Variants in SUGCT observed in about 807,000 individuals in gnomAD.
SUGCT encodes the protein succinyl-CoA:glutarate CoA-transferase.
Under a neutral mutation model 55.0 loss-of-function variants are expected in SUGCT, and 41 were observed. That is an observed-to-expected ratio of 0.74 (90% CI 0.58 to 0.97). The LOEUF is 0.97. Among genes scored for constraint, SUGCT ranks in the 50% least tolerant of loss-of-function variants. The pLI, the probability that SUGCT is intolerant of heterozygous loss-of-function variation, is 0.00. For missense variants in SUGCT, 568 were observed against 547.8 expected (o/e 1.04, Z -0.37); for synonymous variants, 187 against 200.4 (o/e 0.93, Z 0.56).
At chr7:40,973,018 C>T in the SUGCT span, among the ~76,000 whole-genome samples, 9 of 152,186 alleles carry the variant, frequency 5.9e-5, no homozygotes, top group South Asian at 4.1e-4. Flanking sequence ...TCTGCTTTTC[C>T]GGAGATATGT....
the SUGCT span, among the ~76,000 whole-genome samples, chr7:41,033,092 G>A: frequency 0.061 from 9,298 of 152,214 alleles, 928 homozygotes; most frequent in African/African-American, 0.21. Context: ...CCCCTGTTTT[G>A]TATGGCCTAA....
At chr7:40,598,536 G>A (rs1404374153) in intron 12 of SUGCT, among the ~76,000 whole-genome samples, 1 of 152,130 alleles carries the variant, frequency 6.6e-6, no homozygotes, top group African/African-American at 2.4e-5. Context: ...CTTTTTCCTA[G>A]CAGAGAACTA....
At chr7:40,334,416 GTTTCCT>G (rs1796555613) in intron 9 of SUGCT, among the ~76,000 whole-genome samples, 1 of 152,124 alleles carries the variant, frequency 6.6e-6, no homozygotes, top group Admixed American at 6.5e-5. Flanking sequence ...AGCACCTGTT[GTTTCCT>G]GACATTTTAA....
intron 12 of SUGCT, among the ~76,000 whole-genome samples, chr7:40,513,012 G>T (rs1034440213): frequency 6.6e-6 from 1 of 152,122 alleles, no homozygotes; most frequent in African/African-American, 2.4e-5. Flanking sequence ...ATCCTTCTGG[G>T]CAATGGAGCC....
At chr7:40,866,440 A>G in the SUGCT span, among the ~76,000 whole-genome samples, 1 of 151,204 alleles carries the variant, frequency 6.6e-6, no homozygotes. Context: ...TTTTGGGAGG[A>G]CAGTTAAAGA....
At chr7:40,911,406 T>A in the SUGCT span, among the ~76,000 whole-genome samples, 1 of 151,618 alleles carries the variant, frequency 6.6e-6, no homozygotes, top group Non-Finnish European at 1.5e-5. Flanking sequence ...TGATTAAAAT[T>A]AAAAAAAAAT....
intron 12 of SUGCT, among the ~76,000 whole-genome samples, chr7:40,728,525 G>GA (rs1786724360): frequency 6.6e-6 from 1 of 151,802 alleles, no homozygotes; most frequent in Non-Finnish European, 1.5e-5. Context: ...CTCAAAAAAA[G>GA]AAAAAATAAA....
intron 12 of SUGCT, among the ~76,000 whole-genome samples, chr7:40,650,759 G>T (rs1404585445): frequency 2.0e-5 from 3 of 152,086 alleles, no homozygotes; most frequent in South Asian, 2.1e-4. Flanking sequence ...GGATGTGCAG[G>T]TTTGTTGCAC....
At chr7:40,234,761 T>C (rs1213887941) in intron 6 of SUGCT, among the ~76,000 whole-genome samples, 2 of 151,846 alleles carry the variant, frequency 1.3e-5, no homozygotes, top group Non-Finnish European at 2.9e-5. Flanking sequence ...ATGCAAAAAT[T>C]AGCTGGGTGT....
chr7:40,226,461 C>T (rs777074093), intron 6 of SUGCT, among the ~76,000 whole-genome samples: 11 of 152,128 alleles, frequency 7.2e-5, no homozygotes, highest in Non-Finnish European at 1.6e-4. Flanking sequence ...CACAAGGGTA[C>T]TGTCTGCAAA....
intron 10 of SUGCT, among the ~76,000 whole-genome samples, chr7:40,451,510 C>CT (rs1253223080): frequency 6.6e-6 from 1 of 152,082 alleles, no homozygotes; most frequent in Non-Finnish European, 1.5e-5. Context: ...ATCAGAGGGC[C>CT]TTAGGAATGG....
intron 9 of SUGCT, among the ~76,000 whole-genome samples, chr7:40,346,718 G>A (rs11772069): frequency 0.56 from 85,642 of 152,012 alleles, 24,207 homozygotes; most frequent in South Asian, 0.65. Context: ...GGTTTCTAAG[G>A]AAGTAATTAT....
At chr7:40,775,389 T>C (rs1232931558) in intron 13 of SUGCT, among the ~76,000 whole-genome samples, 4 of 152,202 alleles carry the variant, frequency 2.6e-5, no homozygotes, top group East Asian at 1.9e-4. Context: ...GTTTCTCTAC[T>C]GGAAAGGCAA....
At chr7:40,947,234 T>C in the SUGCT span, among the ~76,000 whole-genome samples, 1 of 152,188 alleles carries the variant, frequency 6.6e-6, no homozygotes, top group African/African-American at 2.4e-5. Context: ...GTTGTGCCAT[T>C]CTAGTAAATT....
At chr7:40,542,876 T>C (rs1794773739) in intron 12 of SUGCT, among the ~76,000 whole-genome samples, 1 of 152,286 alleles carries the variant, frequency 6.6e-6, no homozygotes, top group African/African-American at 2.4e-5. Context: ...GAAATGGCCA[T>C]ATCTATAAGG....
intron 12 of SUGCT, among the ~76,000 whole-genome samples, chr7:40,718,193 A>G (rs2128680849): frequency 6.6e-6 from 1 of 152,330 alleles, no homozygotes; most frequent in Admixed American, 6.5e-5. Context: ...TGCTGTGTTG[A>G]TTAATAACAA....
intron 6 of SUGCT, among the ~76,000 whole-genome samples, chr7:40,227,455 C>T (rs1484577401): frequency 1.3e-5 from 2 of 152,062 alleles, no homozygotes; most frequent in African/African-American, 4.8e-5. Flanking sequence ...TCCTTGACCC[C>T]TTGGGTTCAA....
the SUGCT span, among the ~76,000 whole-genome samples, chr7:40,911,407 A>T: frequency 2.0e-5 from 3 of 151,852 alleles, no homozygotes; most frequent in Non-Finnish European, 4.4e-5. Flanking sequence ...GATTAAAATT[A>T]AAAAAAAATT....
chr7:40,921,746 C>T, the SUGCT span, among the ~76,000 whole-genome samples: 10 of 152,134 alleles, frequency 6.6e-5, no homozygotes, highest in Admixed American at 1.3e-4. Context: ...TCCTGCTTTT[C>T]GTGGGCCTCA....
Sources: allele counts gnomAD v4.1 joint callset (sites outside exome capture counted in the v4.1 genomes callset), GRCh38; gene constraint gnomAD v4.1.1; transcripts MANE v1.5; gene names NCBI Gene and HGNC (gene_info 2026-07-23, HGNC 2026-07-21).